Variants in APEH observed in about 807,000 individuals in gnomAD.
The protein encoded by APEH is acylamino-acid-releasing enzyme.
In APEH, 75 loss-of-function variants were observed where a neutral mutation model predicts 102.7. That is an observed-to-expected ratio of 0.73 (90% CI 0.61 to 0.89). The LOEUF is 0.89. Among genes scored for constraint, APEH ranks in the 40% least tolerant of loss-of-function variants. The probability of loss-of-function intolerance (pLI) is 0.00; values close to 1 mark genes in which losing one functional copy is unlikely to be tolerated. For synonymous variants in APEH, 344 were observed against 362.7 expected (o/e 0.95, Z 0.59); for missense variants, 863 against 941.2 (o/e 0.92, Z 1.09).
rs1487051343 is a variant in APEH, at chr3:49,679,812, T to G, written c.1210+168T>G. On this transcript the variant is annotated intron_variant, in intron 13 of 21. Transcript: ENST00000296456. The surrounding 1 kb of genome is among the most constrained non-coding windows in gnomAD (Gnocchi z 4.3). ...AACAGGTCCCCAAGGCCCCTGTCTG[T>G]GCAGACCCTTACCCAACCAACAGAC... 1.5e-6 allele frequency: 1 copy of G among 661,038 alleles called. No homozygotes were observed. Among genetic ancestry groups the G allele is most frequent in the African/African-American group, 1.8e-5 (1 of 55,788 alleles). The allele number at this position is 661,038 out of a possible 1,614,324, so 40.9% of individuals were successfully genotyped here.
In APEH at chr3:49,682,891, C is replaced by T; in HGVS notation, c.1932C>T (p.Asp644=). Reference sequence around the variant, plus strand: ...CTTTCAGCAGTGACTGCCTGCCAGACCTCAGCGTGTGGGCTGAGATGCTGG... The same window carrying T: ...CTTTCAGCAGTGACTGCCTGCCAGATCTCAGCGTGTGGGCTGAGATGCTGG... ...GFPFSSDCLP[D]LSVWAEMLDK... is the part of the protein sequence containing the mutation. Residue 644 remains aspartate, a synonymous_variant, in exon 20 of 22, where the codon GAC becomes GAT. Coordinates refer to ENST00000296456, the MANE Select transcript of APEH (RefSeq NM_001640.4). 1 of 1,614,082 alleles carries T rather than the reference C, an allele frequency of 6.2e-7. No homozygotes were observed. Among genetic ancestry groups the T allele is most frequent in the Non-Finnish European group, 8.5e-7 (1 of 1,180,032 alleles).
chr3:49,673,801 C>CCTCACGCTCACGCTCACGCTCACG (rs3834791), upstream of APEH, among the ~76,000 whole-genome samples: 594 of 145,688 alleles, frequency 4.1e-3, 4 homozygotes, highest in Admixed American at 5.5e-3. Context: ...CAACCCTCAC[C>CCTCACGCTCACGCTCACGCTCACG]CTCACGCTCA....
In APEH at chr3:49,679,703, A is replaced by G; in HGVS notation, c.1210+59A>G. The stretch of plus-strand genomic sequence containing the variant: ...GGGCTGGTGAGCAAGCCAACCAGGC[A>G]GCGGGGGACTGGAGCTCCAACATGT... On this transcript the variant is annotated intron_variant, in intron 13 of 21. Coordinates refer to ENST00000296456, the MANE Select transcript of APEH (RefSeq NM_001640.4). The surrounding 1 kb of genome is among the most constrained non-coding windows in gnomAD (Gnocchi z 4.3). 1.3e-6 allele frequency: 2 copies of G among 1,544,700 alleles called. No individual in the cohort carries two copies. The highest frequency in any genetic ancestry group is 8.9e-7 in the Non-Finnish European group (1 of 1,118,436).
At chr3:49,678,781 C>G (rs1051086458) in intron 11 of APEH, 71 bp from the exon 12 acceptor site, 6 of 1,328,178 alleles carry the variant, frequency 4.5e-6, no homozygotes, top group African/African-American at 1.4e-5. Flanking sequence ...CCCCAGTACC[C>G]TAGCCTTCCT....
chr3:49,673,548 C>T (rs1232516308), upstream of APEH, among the ~76,000 whole-genome samples: 2 of 152,104 alleles, frequency 1.3e-5, no homozygotes, highest in African/African-American at 2.4e-5. Context: ...GCAGGCCTGG[C>T]GACTGATAAG....
intron 10 of APEH, 24 bp downstream of exon 10, chr3:49,677,048 G>A: frequency 6.2e-7 from 1 of 1,613,780 alleles, no homozygotes; most frequent in South Asian, 1.1e-5. Context: ...GGCAGGGATG[G>A]GAGGGTGGTC....
At position 49,676,122 on chromosome 3, in the gene APEH, G is replaced by A. The variant is rs750490555; in HGVS notation, c.509G>A (p.Arg170His). Reference sequence around the variant, plus strand: ...TTGTTGTATGTGGCAGAGAAGAAGCGCCCCAAGGCCGAGTCCTTCTTTCAG... The same window carrying A: ...TTGTTGTATGTGGCAGAGAAGAAGCACCCCAAGGCCGAGTCCTTCTTTCAG... Reference protein sequence around the residue: ...THLLYVAEKKRPKAESFFQTK... With the variant: ...THLLYVAEKKHPKAESFFQTK... Residue 170 changes from arginine to histidine, a missense_variant, in exon 6 of 22, where the codon CGC becomes CAC. By Grantham distance (29) the Arg-to-His change is conservative. Transcript: ENST00000296456. The A allele has an allele frequency of 7.4e-6, 12 of 1,614,212 alleles. No individual in the cohort carries two copies. Among genetic ancestry groups the A allele is most frequent in the East Asian group, 2.2e-5 (1 of 44,886 alleles).
chr3:49,673,390 G>A (rs2052862309), upstream of APEH, among the ~76,000 whole-genome samples: 1 of 152,106 alleles, frequency 6.6e-6, no homozygotes, highest in South Asian at 2.1e-4. Context: ...CCCTGGTCCT[G>A]GGTGGAGTCT....
At position 49,675,321 on chromosome 3, in the gene APEH, G is replaced by A. The variant is rs373677269; in HGVS notation, c.272+12G>A. 2 of 1,613,184 alleles carry A rather than the reference G, an allele frequency of 1.2e-6. No individual in the cohort carries two copies. The highest frequency in any genetic ancestry group is 2.2e-5 in the East Asian group (1 of 44,870). On this transcript the variant is annotated intron_variant, in intron 3 of 21. Coordinates refer to ENST00000296456, the MANE Select transcript of APEH (RefSeq NM_001640.4). ...GAGACCCGGGGGGAGTAAGTTTGAGGGAGGAAGCTTGTGGGCAAGGCCACA... is the reference window on the plus strand; with the variant it reads ...GAGACCCGGGGGGAGTAAGTTTGAGAGAGGAAGCTTGTGGGCAAGGCCACA...
upstream of APEH, among the ~76,000 whole-genome samples, chr3:49,673,839 T>A (rs889890536): frequency 3.5e-5 from 5 of 142,120 alleles, no homozygotes; most frequent in African/African-American, 5.6e-5. Flanking sequence ...ACGCTCACGC[T>A]CACAGGCTCC....
chr3:49,678,081 G>A (rs2053151503), intron 11 of APEH, among the ~76,000 whole-genome samples: 1 of 152,168 alleles, frequency 6.6e-6, no homozygotes, highest in Admixed American at 6.5e-5. Context: ...CCTTTGTCCA[G>A]TCTAAGCCCT....
upstream of APEH, among the ~76,000 whole-genome samples, chr3:49,673,851 G>A (rs1433276190): frequency 7.4e-6 from 1 of 134,402 alleles, no homozygotes; most frequent in African/African-American, 2.8e-5. Context: ...ACAGGCTCCC[G>A]GCTCCACATT....
intron 14 of APEH, 78 bp downstream of exon 14, chr3:49,680,707 CA>C (rs1280230253): frequency 1.5e-6 from 2 of 1,304,866 alleles, no homozygotes; most frequent in Non-Finnish European, 2.2e-6. Flanking sequence ...GAATTGGCCC[CA>C]GAGTCTGACC....
At chr3:49,682,055 T>C in intron 17 of APEH, 88 bp downstream of exon 17, 11 of 1,415,226 alleles carry the variant, frequency 7.8e-6, no homozygotes, top group Middle Eastern at 1.9e-4. Context: ...TGGGTGCCAC[T>C]CTAGTCTCCA....
rs2052972084 is a variant in APEH, at chr3:49,675,244, G to A, written c.207G>A (p.Val69=). ...ENIRFCRQYL[V]FHDGDSVVFA... ...TTCGATTCTGCCGCCAATACCTGGT[G>A]TTCCATGACGGGGACTCAGTGGTGT... is the stretch of plus-strand genomic sequence containing the variant. The change falls in exon 3 of 22, where the codon GTG becomes GTA. Residue 69 remains valine, a synonymous_variant. Coordinates refer to ENST00000296456, the MANE Select transcript of APEH (RefSeq NM_001640.4). The A allele has an allele frequency of 6.2e-7, 1 of 1,614,120 alleles. No homozygotes were observed. Among genetic ancestry groups the A allele is most frequent in the Non-Finnish European group, 8.5e-7 (1 of 1,179,990 alleles).
upstream of APEH, chr3:49,674,313 C>A (rs1456575557): frequency 2.0e-6 from 3 of 1,476,180 alleles, no homozygotes; most frequent in African/African-American, 2.8e-5. Flanking sequence ...GGGGCGGAGA[C>A]AGCCCGGGCC....
Position 49,679,457 on chromosome 3 carries a change from A to G in APEH, c.1159-136A>G. On this transcript the variant is annotated intron_variant, in intron 12 of 21. Coordinates refer to ENST00000296456, the MANE Select transcript of APEH (RefSeq NM_001640.4). The surrounding 1 kb of genome is among the most constrained non-coding windows in gnomAD (Gnocchi z 4.3). ...ACACTACTCCCTACTGCACTGAGTA[A>G]CCATCACCATAGCTGTCCACAGCCT... 2 of 856,486 alleles carry G rather than the reference A, an allele frequency of 2.3e-6. No individual in the cohort carries two copies. The highest frequency in any genetic ancestry group is 3.8e-6 in the Non-Finnish European group (2 of 521,396). The allele number at this position is 856,486 out of a possible 1,614,324, so 53.1% of individuals were successfully genotyped here.
At position 49,683,683 on chromosome 3, in the gene APEH, C is replaced by T; in HGVS notation, c.*341C>T. 1 of 459,108 alleles carries T rather than the reference C, an allele frequency of 2.2e-6. No individual in the cohort carries two copies. The highest frequency in any genetic ancestry group is 2.3e-5 in the South Asian group (1 of 42,904). 28.4% of individuals were successfully genotyped at this position (459,108 alleles called of 1,614,324 possible). On this transcript the variant is annotated 3_prime_UTR_variant, in exon 22 of 22. Coordinates refer to ENST00000296456, the MANE Select transcript of APEH (RefSeq NM_001640.4). ...CTGTCCTGGCAACCAGGACTCTGTACCAGCCTAGCTTCCCTGCTGCAGCCC... is the reference window on the plus strand; with the variant it reads ...CTGTCCTGGCAACCAGGACTCTGTATCAGCCTAGCTTCCCTGCTGCAGCCC...
In APEH at chr3:49,674,539, C is replaced by T. The variant is rs561058861; in HGVS notation, c.63C>T (p.Ser21=). 2.5e-5 allele frequency: 39 copies of T among 1,564,870 alleles called. No individual in the cohort carries two copies. In the Admixed American group the frequency reaches 3.4e-4, roughly 13 times the overall value. ...CGGCGGCTCTGTATCGGGGCCTTAG[C>T]CGCCAGCCCGCGCTGAGCGCCGCCT... The part of the protein sequence containing the change: ...EEAAALYRGL[S]RQPALSAACL... The change falls in exon 2 of 22, where the codon AGC becomes AGT. Residue 21 remains serine (S), a synonymous_variant. Transcript: ENST00000296456.
Sources: gnomAD v4.1 joint callset for allele counts (sites outside exome capture counted in the v4.1 genomes callset) on GRCh38, gnomAD v4.1.1 for gene constraint, Gnocchi (gnomAD v3.1) non-coding constraint, MANE v1.5 for transcripts, NCBI Gene and HGNC (gene_info 2026-07-23, HGNC 2026-07-21) for gene names.